HHAT: variants seen among roughly 807,000 people sequenced by gnomAD.
HHAT encodes the protein protein-cysteine N-palmitoyltransferase HHAT.
A neutral mutation model predicts 70.8 loss-of-function variants in HHAT; 47 were observed. The observed-to-expected ratio is 0.66, with a 90% confidence interval of 0.53 to 0.85. The LOEUF (loss-of-function observed/expected upper bound fraction) is 0.85, where lower values mean the gene tolerates loss of function less well. Among genes scored for constraint, HHAT ranks in the 40% least tolerant of loss-of-function variants. The probability of loss-of-function intolerance (pLI) is 0.00; values close to 1 mark genes in which losing one functional copy is unlikely to be tolerated. For missense variants in HHAT, 609 were observed against 604.8 expected, an observed-to-expected ratio of 1.01 and a Z score of -0.07; for synonymous variants, 228 against 247.6, an observed-to-expected ratio of 0.92 and a Z score of 0.74.
chr1:210,435,535 G>A (rs2093355049), intron 7 of HHAT, among the ~76,000 whole-genome samples: 1 of 151,564 alleles, frequency 6.6e-6, no homozygotes, highest in South Asian at 2.1e-4. Flanking sequence ...TGTTTTTTGG[G>A]GGCAGTTTTT....
At chr1:210,448,134 C>T (rs534036022) in intron 7 of HHAT, among the ~76,000 whole-genome samples, 11 of 148,454 alleles carry the variant, frequency 7.4e-5, no homozygotes, top group Admixed American at 3.4e-4. Context: ...GCCTGTAATG[C>T]GGTAGCTCGA....
intron 7 of HHAT, among the ~76,000 whole-genome samples, chr1:210,436,082 C>T (rs1363057872): frequency 6.6e-6 from 1 of 151,836 alleles, no homozygotes; most frequent in Non-Finnish European, 1.5e-5. Flanking sequence ...CTAGCAGTTT[C>T]ATAGTTGCAG....
chr1:210,568,653 G>T (rs1655362912), intron 9 of HHAT, among the ~76,000 whole-genome samples: 1 of 152,206 alleles, frequency 6.6e-6, no homozygotes, highest in Non-Finnish European at 1.5e-5. Context: ...CCCTCTAGAG[G>T]TTGCCATTGG....
intron 8 of HHAT, among the ~76,000 whole-genome samples, chr1:210,468,984 G>A (rs1281631068): frequency 2.0e-5 from 3 of 152,072 alleles, no homozygotes; most frequent in Non-Finnish European, 4.4e-5. Context: ...CTACTACTTT[G>A]CCTCATAGGG....
intron 8 of HHAT, among the ~76,000 whole-genome samples, chr1:210,487,585 G>A (rs760416049): frequency 1.3e-5 from 2 of 152,176 alleles, no homozygotes; most frequent in Non-Finnish European, 2.9e-5. Context: ...ATAATGAATG[G>A]CTTGGAAGAA....
intron 11 of HHAT, among the ~76,000 whole-genome samples, chr1:210,636,968 G>A (rs898117970): frequency 6.6e-6 from 1 of 152,118 alleles, no homozygotes; most frequent in African/African-American, 2.4e-5. Flanking sequence ...CACTTTACTA[G>A]TATGGGAACT....
intron 7 of HHAT, among the ~76,000 whole-genome samples, chr1:210,421,519 C>CA (rs541473141): frequency 6.9e-4 from 105 of 152,318 alleles, no homozygotes; most frequent in African/African-American, 2.5e-3. Context: ...GATCTCAACT[C>CA]ACTGCAACCT....
chr1:210,394,528 A>G (rs895496574), intron 4 of HHAT, among the ~76,000 whole-genome samples: 4 of 152,092 alleles, frequency 2.6e-5, no homozygotes, highest in Non-Finnish European at 5.9e-5. Context: ...TGCCCTCAGA[A>G]CCAAAAAATA....
At chr1:210,493,733 G>A (rs1436965568) in intron 8 of HHAT, among the ~76,000 whole-genome samples, 2 of 152,092 alleles carry the variant, frequency 1.3e-5, no homozygotes, top group African/African-American at 4.8e-5. Flanking sequence ...ATCTAGTGAC[G>A]GGAAACGTCT....
At chr1:210,346,135 G>GA (rs1271212586) in intron 1 of HHAT, among the ~76,000 whole-genome samples, 1 of 151,840 alleles carries the variant, frequency 6.6e-6, no homozygotes, top group Non-Finnish European at 1.5e-5. Context: ...GTTCCCTGAG[G>GA]ATTAAATCCT....
At chr1:210,369,873 T>C (rs938250348) in intron 3 of HHAT, 1 of 152,194 alleles carries the variant, frequency 6.6e-6, no homozygotes, top group Non-Finnish European at 1.5e-5. Context: ...GGAGGGCAAA[T>C]GACTCAAGAC....
chr1:210,623,815 T>C (rs1440486535), intron 11 of HHAT, 145 bp downstream of exon 11: 10 of 889,654 alleles, frequency 1.1e-5, no homozygotes, highest in Non-Finnish European at 1.7e-5. Flanking sequence ...CAGCCAGGAA[T>C]AATTTCCTAA....
chr1:210,465,204 G>C (rs981367702), intron 8 of HHAT, among the ~76,000 whole-genome samples: 2 of 152,186 alleles, frequency 1.3e-5, no homozygotes, highest in Non-Finnish European at 2.9e-5. Context: ...ACAAATGTTA[G>C]CTTTAACACT....
intron 8 of HHAT, among the ~76,000 whole-genome samples, chr1:210,470,929 C>T (rs2094193368): frequency 6.6e-6 from 1 of 152,306 alleles, no homozygotes; most frequent in Non-Finnish European, 1.5e-5. Flanking sequence ...GAACCCTGTA[C>T]CTTTCATGGT....
intron 9 of HHAT, among the ~76,000 whole-genome samples, chr1:210,543,992 C>T (rs980360333): frequency 1.3e-5 from 2 of 152,222 alleles, no homozygotes; most frequent in African/African-American, 4.8e-5. Context: ...CTTTTCTGTT[C>T]TCTGCCCTTG....
At chr1:210,464,363 C>A in intron 7 of HHAT, 142 bp from the exon 8 acceptor site, 1 of 789,584 alleles carries the variant, frequency 1.3e-6, no homozygotes, top group Non-Finnish European at 2.1e-6. Context: ...GTGTGGAATA[C>A]TTTTGTGAAA....
intron 9 of HHAT, among the ~76,000 whole-genome samples, chr1:210,519,657 G>T (rs2148602041): frequency 6.6e-6 from 1 of 150,388 alleles, no homozygotes; most frequent in East Asian, 2.0e-4. Flanking sequence ...CCTCCAGGTA[G>T]CTGGGGCTAC....
At position 210,440,616 on chromosome 1, in the gene HHAT, A is replaced by G. The variant is rs527286076; in HGVS notation, c.856+22291A>G. 8.1e-4 allele frequency among the ~76,000 whole-genome samples: 123 copies of G among 151,978 alleles called. 2 individuals carry two copies. The highest frequency in any genetic ancestry group is 3.4e-3 in the Middle Eastern group (1 of 294). On this transcript the variant is annotated intron_variant, in intron 7 of 11. Coordinates refer to ENST00000261458, the MANE Select transcript of HHAT (RefSeq NM_018194.6). ...TGGGCAGTGCATCCTAGTATTCCCC[A>G]TAATAGTGTTTTGTGGAATTGTCTA... is the stretch of plus-strand genomic sequence containing the variant.
At chr1:210,421,352 G>T (rs552980578) in intron 7 of HHAT, among the ~76,000 whole-genome samples, 1 of 152,118 alleles carries the variant, frequency 6.6e-6, no homozygotes, top group African/African-American at 2.4e-5. Flanking sequence ...TGAAAATCTG[G>T]TGGGTGTGAA....
Sources: allele counts gnomAD v4.1 joint callset (sites outside exome capture counted in the v4.1 genomes callset), GRCh38; gene constraint gnomAD v4.1.1; transcripts MANE v1.5; gene names NCBI Gene and HGNC (gene_info 2026-07-23, HGNC 2026-07-21).